Variants in ZNF789 observed in about 807,000 individuals in gnomAD.
The protein encoded by ZNF789 is zinc finger protein 789.
In ZNF789, 11 loss-of-function variants were observed where a neutral mutation model predicts 15.6. The observed-to-expected ratio is 0.70, with a 90% CI of 0.44 to 1.16. The LOEUF (loss-of-function observed/expected upper bound fraction) is 1.16, where lower values mean the gene tolerates loss of function less well. Ranked by LOEUF, ZNF789 falls within the 50% of genes most tolerant of loss-of-function variation. The probability of loss-of-function intolerance (pLI) is 0.00; values close to 1 mark genes in which losing one functional copy is unlikely to be tolerated. For missense variants in ZNF789, 461 were observed against 512.6 expected (o/e 0.90, Z 0.97); for synonymous variants, 159 against 176.0 (o/e 0.90, Z 0.76).
intron 2 of ZNF789, chr7:99,478,357 G>A: frequency 7.8e-7 from 1 of 1,289,668 alleles, no homozygotes. Context: ...CTGGATAATG[G>A]TGAGAAAGGG....
chr7:99,483,904 A>G (rs1676201756), intron 3 of ZNF789, 126 bp from the exon 4 acceptor site: 2 of 818,988 alleles, frequency 2.4e-6, no homozygotes, highest in African/African-American at 1.7e-5. Flanking sequence ...ATTTACAAAG[A>G]TTGTGCCAAT....
At chr7:99,484,200 T>TAGA (rs1799794348) in intron 4 of ZNF789, 57 bp downstream of exon 4, 1 of 1,383,560 alleles carries the variant, frequency 7.2e-7, no homozygotes, top group African/African-American at 1.5e-5. Context: ...GAAGGCATGT[T>TAGA]AGTGAAGCCC....
chr7:99,485,199 C>G, intron 4 of ZNF789: 1 of 1,535,944 alleles, frequency 6.5e-7, no homozygotes, highest in Non-Finnish European at 8.7e-7. Context: ...TTACTGTGTC[C>G]CGATGCAGCT....
chr7:99,477,465 C>G (rs1221862411), intron 2 of ZNF789, among the ~76,000 whole-genome samples: 1 of 152,066 alleles, frequency 6.6e-6, no homozygotes, highest in Non-Finnish European at 1.5e-5. Flanking sequence ...CTCAGCCTCC[C>G]AAGTAGTTGG....
At chr7:99,486,390 TCCTAGACC>T in intron 4 of ZNF789, 78 bp from the exon 5 acceptor site, 2 of 1,271,740 alleles carry the variant, frequency 1.6e-6, no homozygotes, top group Non-Finnish European at 2.2e-6. Flanking sequence ...CATTTGATTG[TCCTAGACC>T]CCTAACAGTT....
Position 99,486,544 on chromosome 7 carries a change from TATAAG to T in ZNF789, c.338_342del (p.Lys113IlefsTer9), listed in dbSNP as rs777211578. 3.0e-5 allele frequency: 49 copies of T among 1,614,058 alleles called. No homozygotes were observed. In the Admixed American group the frequency reaches 5.5e-4, roughly 18 times the overall value. The stretch of plus-strand genomic sequence containing the variant: ...GAAATTTTCTGAAGATTTAGAGTCA[TATAAG>T]ATATCAGTGGTAATGCAGGAATCAG... On this transcript the variant is annotated frameshift_variant, in exon 5 of 5. Coordinates refer to ENST00000331410, the MANE Select transcript of ZNF789 (RefSeq NM_213603.3). LOFTEE classifies it low-confidence loss of function (END_TRUNC).
At chr7:99,481,169 G>A (rs764364340) in intron 3 of ZNF789, 1 of 152,168 alleles carries the variant, frequency 6.6e-6, no homozygotes, top group Non-Finnish European at 1.5e-5. Flanking sequence ...ATCAGTAAAC[G>A]AGCATAATAT....
Position 99,487,194 on chromosome 7 carries a change from T to C in ZNF789, c.984T>C (p.Leu328=), listed in dbSNP as rs1338832801. ...CGKAFGRHST[L]LCHQQIHSKP... ...AAGCCTTTGGCCGGCATTCAACCCTTCTATGTCATCAACAGATTCACAGTA... is the reference window on the plus strand; with the variant it reads ...AAGCCTTTGGCCGGCATTCAACCCTCCTATGTCATCAACAGATTCACAGTA... The change falls in exon 5 of 5, where the codon CTT becomes CTC. Residue 328 remains leucine, a synonymous_variant. Coordinates refer to ENST00000331410, the MANE Select transcript of ZNF789 (RefSeq NM_213603.3). 1.9e-6 allele frequency: 3 copies of C among 1,614,164 alleles called. No individual in the cohort carries two copies. The highest frequency in any genetic ancestry group is 2.5e-6 in the Non-Finnish European group (3 of 1,180,032).
intron 3 of ZNF789, chr7:99,483,799 G>A (rs780205565): frequency 5.1e-6 from 4 of 780,898 alleles, no homozygotes; most frequent in Non-Finnish European, 9.6e-6. Flanking sequence ...CATTCATCTT[G>A]GTTGCAATTG....
In ZNF789 at chr7:99,476,476, G is replaced by A. The variant is rs376552016; in HGVS notation, c.20G>A (p.Gly7Glu). The change falls in exon 2 of 5, where the codon GGG (glycine) becomes GAG (glutamate). Residue 7 changes from glycine to glutamate, a missense_variant. Physicochemically the swap from Gly to Glu is moderately conservative, Grantham distance 98. Coordinates refer to ENST00000331410, the MANE Select transcript of ZNF789 (RefSeq NM_213603.3). The part of the protein sequence containing the change: MFPPAR[G>E]KELLSFEDVA... ...GAAGCCATGTTCCCACCAGCCAGGG[G>A]GAAGGTGAGCTGTGCCTCCCCCTCT... 23 of 1,611,840 alleles carry A rather than the reference G, an allele frequency of 1.4e-5. No individual in the cohort carries two copies. The highest frequency in any genetic ancestry group is 1.9e-5 in the Non-Finnish European group (22 of 1,179,316).
chr7:99,487,481 C>T lies in ZNF789; in HGVS notation c.1271C>T (p.Ser424Phe). Residue 424 changes from serine (S) to phenylalanine (F), a missense_variant, in exon 5 of 5, where the codon TCC (serine) becomes TTC (phenylalanine). Physicochemically the swap from Ser to Phe is radical, Grantham distance 155 (BLOSUM62 -2). Coordinates refer to ENST00000331410, the MANE Select transcript of ZNF789 (RefSeq NM_213603.3). ...KHQGTHKGQI[S>F]T ...CAGGGCACTCACAAAGGACAGATAT[C>T]CACATGATGTTAATTGGAAAGCAGT... 2 of 1,607,318 alleles carry T rather than the reference C, an allele frequency of 1.2e-6. No homozygotes were observed. The highest frequency in any genetic ancestry group is 4.5e-5 in the East Asian group (2 of 44,786).
rs749691704 is a variant in ZNF789, at chr7:99,479,751, G to T, written c.115G>T (p.Val39Leu). Residue 39 changes from valine to leucine, a missense_variant, in exon 3 of 5, where the codon GTG (valine) becomes TTG (leucine). Val to Leu is a conservative substitution (Grantham distance 32). Coordinates refer to ENST00000331410, the MANE Select transcript of ZNF789 (RefSeq NM_213603.3). ...GGGTCAGAAGGACCTCTACCGAGAT[G>T]TGATGTTGGAGAACTACAGGAACAT... ...NWGQKDLYRD[V>L]MLENYRNMVL... The T allele has an allele frequency of 6.2e-7, 1 of 1,614,042 alleles. No individual in the cohort carries two copies. The highest frequency in any genetic ancestry group is 2.2e-5 in the East Asian group (1 of 44,862).
chr7:99,484,910 CAG>C (rs796951372), intron 4 of ZNF789, among the ~76,000 whole-genome samples: 1 of 152,260 alleles, frequency 6.6e-6, no homozygotes, highest in African/African-American at 2.4e-5. Context: ...GCCTGGGTGA[CAG>C]AGCAAGACTG....
At position 99,472,934 on chromosome 7, in the gene ZNF789, C is replaced by T. The variant is rs945083799; in HGVS notation, c.-177C>T. 1.3e-5 allele frequency: 2 copies of T among 152,250 alleles called. No individual in the cohort carries two copies. Among genetic ancestry groups the T allele is most frequent in the Non-Finnish European group, 2.9e-5 (2 of 68,092 alleles). The allele number at this position is 152,250 out of a possible 1,614,324, so 9.4% of individuals were successfully genotyped here. A position where few individuals can be genotyped will look rare whatever the true frequency, so the allele number is the denominator to read the frequency against. On this transcript the variant is annotated 5_prime_UTR_variant, in exon 1 of 5. Transcript: ENST00000331410. The stretch of plus-strand genomic sequence containing the variant: ...GCCAGAGTGGTTGTGTCTGTTCCTC[C>T]GGTAAGGGGTGATTCGCCGAGGGGC...
Position 99,479,811 on chromosome 7 carries a change from G to T in ZNF789, c.151+24G>T, listed in dbSNP as rs370902824. On this transcript the variant is annotated intron_variant, in intron 3 of 4. Transcript: ENST00000331410. ...GGGTAGGACACGGCTTGAAGATTGG[G>T]CTTTGTCTGTGTTCTGAGTGTCTGT... 6 of 1,607,588 alleles carry T rather than the reference G, an allele frequency of 3.7e-6. 1 individual carries two copies. Among genetic ancestry groups the T allele is most frequent in the Middle Eastern group, 3.3e-4 (2 of 6,060 alleles).
intron 2 of ZNF789, 79 bp from the exon 3 acceptor site, chr7:99,479,582 G>T (rs1799511164): frequency 1.3e-6 from 2 of 1,481,874 alleles, no homozygotes; most frequent in Admixed American, 4.8e-5. Context: ...CCCAAACCTT[G>T]GTTTCCTCAG....
chr7:99,485,856 T>A (rs1285490827), intron 4 of ZNF789, among the ~76,000 whole-genome samples: 3 of 152,106 alleles, frequency 2.0e-5, no homozygotes, highest in Admixed American at 2.0e-4. Flanking sequence ...ACATGCTACC[T>A]CTTTGATATT....
chr7:99,479,579 C>G (rs1161088160), intron 2 of ZNF789, 82 bp from the exon 3 acceptor site: 2 of 1,476,434 alleles, frequency 1.4e-6, no homozygotes, highest in Non-Finnish European at 1.8e-6. Context: ...CCTCCCAAAC[C>G]TTGGTTTCCT....
At chr7:99,482,714 C>T (rs1052007023) in intron 3 of ZNF789, among the ~76,000 whole-genome samples, 6 of 151,798 alleles carry the variant, frequency 4.0e-5, no homozygotes, top group African/African-American at 1.5e-4. Context: ...ATTAGTCAGG[C>T]GTGGTGGCAC....
Sources: gnomAD v4.1 joint callset for allele counts (sites outside exome capture counted in the v4.1 genomes callset) on GRCh38, gnomAD v4.1.1 for gene constraint, MANE v1.5 for transcripts, NCBI Gene and HGNC (gene_info 2026-07-23, HGNC 2026-07-21) for gene names.